Variants in VIT observed in about 807,000 individuals in gnomAD.
VIT encodes vitrin.
In VIT, 99 loss-of-function variants were observed where a neutral mutation model predicts 78.0. That is an observed-to-expected ratio of 1.27 (90% CI 1.08 to 1.50). VIT has a LOEUF of 1.50. Among genes scored for constraint, VIT ranks in the 40% most tolerant of loss-of-function variants. The probability of loss-of-function intolerance (pLI) is 0.00; values close to 1 mark genes in which losing one functional copy is unlikely to be tolerated. For missense variants in VIT, 1,126 were observed against 875.3 expected (o/e 1.29, Z -3.61); for synonymous variants, 374 against 334.3 (o/e 1.12, Z -1.29).
intron 6 of VIT, among the ~76,000 whole-genome samples, chr2:36,766,407 C>A (rs1211735006): frequency 3.3e-5 from 5 of 152,160 alleles, no homozygotes; most frequent in Non-Finnish European, 7.3e-5. Flanking sequence ...TGTCTTGCAC[C>A]TGTAGTCCCA....
intron 8 of VIT, 104 bp from the exon 9 acceptor site, chr2:36,774,898 C>A: frequency 6.4e-7 from 1 of 1,550,872 alleles, no homozygotes; most frequent in South Asian, 1.2e-5. Flanking sequence ...GGCCGACTTC[C>A]AAGGAAAATC....
chr2:36,711,491 A>T (rs759221480), intron 1 of VIT, among the ~76,000 whole-genome samples: 15 of 152,186 alleles, frequency 9.9e-5, no homozygotes, highest in Non-Finnish European at 1.8e-4. Context: ...GACTTTGGGT[A>T]TGTGACCTTG....
Position 36,801,356 on chromosome 2 carries a change from A to G in VIT, c.1114A>G (p.Lys372Glu). 4 of 1,614,114 alleles carry G rather than the reference A, an allele frequency of 2.5e-6. No individual in the cohort carries two copies. The highest frequency in any genetic ancestry group is 3.4e-6 in the Non-Finnish European group (4 of 1,180,022). The change falls in exon 13 of 16, where the codon AAG becomes GAG. Residue 372 changes from lysine (K) to glutamate (E), a missense_variant. Coordinates refer to ENST00000379242, the MANE Select transcript of VIT (RefSeq NM_053276.4). ...LKTHTNSRDL[K>E]TAIEKITQRG... ...GACACACACGAATTCTCGAGATCTG[A>G]AGACAGCCATAGAGAAAATTACTCA... is the stretch of plus-strand genomic sequence containing the variant.
chr2:36,806,677 G>C (rs1240782362), intron 14 of VIT, among the ~76,000 whole-genome samples: 1 of 152,094 alleles, frequency 6.6e-6, no homozygotes, highest in African/African-American at 2.4e-5. Context: ...CTCCCAAATA[G>C]CTGGGACTAC....
At position 36,721,887 on chromosome 2, in the gene VIT, T is replaced by C. The variant is rs537492357; in HGVS notation, c.52+5465T>C. 2.5e-4 allele frequency among the ~76,000 whole-genome samples: 38 copies of C among 152,346 alleles called. No homozygotes were observed. The South Asian group carries it at 7.5e-3, about 30-fold the overall frequency. ...TGGTGTCCTGTGTTTATTCTCACCA[T>C]AGCTGCAAGATATTGACCTTGTCAT... is the stretch of plus-strand genomic sequence containing the variant. On this transcript the variant is annotated intron_variant, in intron 2 of 15. Transcript: ENST00000379242.
At chr2:36,768,660 C>G (rs962161678) in intron 7 of VIT, among the ~76,000 whole-genome samples, 1 of 152,158 alleles carries the variant, frequency 6.6e-6, no homozygotes, top group Non-Finnish European at 1.5e-5. Context: ...GGAATTCAAA[C>G]TCCAGCAGCC....
At chr2:36,756,614 C>G (rs890863225) in intron 5 of VIT, among the ~76,000 whole-genome samples, 1 of 152,130 alleles carries the variant, frequency 6.6e-6, no homozygotes, top group African/African-American at 2.4e-5. Flanking sequence ...TTTCCTTTTG[C>G]CTGCCAAATT....
chr2:36,742,267 C>G (rs1358092684), intron 3 of VIT, among the ~76,000 whole-genome samples: 1 of 152,128 alleles, frequency 6.6e-6, no homozygotes, highest in Non-Finnish European at 1.5e-5. Context: ...CCACCTCATC[C>G]CCAGGCAACC....
In VIT at chr2:36,814,271, C is replaced by A; in HGVS notation, c.1992C>A (p.Phe664Leu). ...IATHPARDHS[F>L]FVDEFDNLHQ... The stretch of plus-strand genomic sequence containing the variant: ...CTCACCCCGCCAGAGACCACTCCTT[C>A]TTTGTGGACGAGTTTGACAACCTCC... Residue 664 changes from phenylalanine to leucine, a missense_variant, in exon 16 of 16, where the codon TTC becomes TTA. By Grantham distance (22) the Phe-to-Leu change is conservative. Coordinates refer to ENST00000379242, the MANE Select transcript of VIT (RefSeq NM_053276.4). 1.2e-6 allele frequency: 2 copies of A among 1,614,224 alleles called. No homozygotes were observed. The highest frequency in any genetic ancestry group is 1.3e-5 in the African/African-American group (1 of 75,050).
intron 12 of VIT, among the ~76,000 whole-genome samples, chr2:36,796,766 C>G (rs1239252852): frequency 6.6e-6 from 1 of 151,986 alleles, no homozygotes; most frequent in African/African-American, 2.4e-5. Context: ...CATGCCTGGC[C>G]TGTAAAAACT....
chr2:36,708,362 G>C (rs1665581495), intron 1 of VIT, among the ~76,000 whole-genome samples: 1 of 152,178 alleles, frequency 6.6e-6, no homozygotes, highest in African/African-American at 2.4e-5. Context: ...TGGACAAAGA[G>C]TATGGTTGGG....
At chr2:36,771,005 C>A (rs1458342784) in intron 7 of VIT, among the ~76,000 whole-genome samples, 2 of 152,218 alleles carry the variant, frequency 1.3e-5, no homozygotes, top group Non-Finnish European at 2.9e-5. Context: ...GGAAGAGAGG[C>A]CAGCATCTTA....
chr2:36,804,429 G>A (rs951992987), intron 13 of VIT, among the ~76,000 whole-genome samples: 8 of 152,196 alleles, frequency 5.3e-5, no homozygotes, highest in Admixed American at 5.2e-4. Flanking sequence ...CCAAGAAGAG[G>A]CTACTGTCAC....
intron 1 of VIT, among the ~76,000 whole-genome samples, chr2:36,712,879 T>C (rs1665893267): frequency 1.3e-5 from 2 of 152,234 alleles, no homozygotes; most frequent in African/African-American, 4.8e-5. Context: ...GTTTCTAATG[T>C]ATTCATAAGA....
At chr2:36,734,729 C>G (rs1172118371) in intron 3 of VIT, among the ~76,000 whole-genome samples, 2 of 152,130 alleles carry the variant, frequency 1.3e-5, no homozygotes, top group African/African-American at 4.8e-5. Context: ...ACTTTCCCTT[C>G]TTTTTCACTT....
At chr2:36,735,663 T>C (rs543439632) in intron 3 of VIT, among the ~76,000 whole-genome samples, 1 of 152,240 alleles carries the variant, frequency 6.6e-6, no homozygotes, top group Non-Finnish European at 1.5e-5. Flanking sequence ...GATGCTGCCC[T>C]GAGGTGGGTG....
At chr2:36,802,810 A>T (rs781766748) in intron 13 of VIT, among the ~76,000 whole-genome samples, 1 of 152,144 alleles carries the variant, frequency 6.6e-6, no homozygotes, top group Non-Finnish European at 1.5e-5. Context: ...GGTTCTGAGG[A>T]CAGAATCCGT....
chr2:36,700,367 A>C (rs1664974497), intron 1 of VIT, among the ~76,000 whole-genome samples: 4 of 152,178 alleles, frequency 2.6e-5, no homozygotes, highest in Admixed American at 2.0e-4. Context: ...AGCATTTTGC[A>C]AGATGTTGGT....
At chr2:36,769,676 G>C (rs12613445) in intron 7 of VIT, among the ~76,000 whole-genome samples, 5,165 of 152,236 alleles carry the variant, frequency 0.034, 211 homozygotes, top group African/African-American at 0.097. Flanking sequence ...TAAAATAAAA[G>C]TATTCATGAG....
Sources: allele counts gnomAD v4.1 joint callset (sites outside exome capture counted in the v4.1 genomes callset), GRCh38; gene constraint gnomAD v4.1.1; transcripts MANE v1.5; gene names NCBI Gene and HGNC (gene_info 2026-07-23, HGNC 2026-07-21).